The following CADPS variants were observed in gnomAD, a reference collection of about 807,000 sequenced individuals.
CADPS encodes calcium-dependent secretion activator 1.
A neutral mutation model predicts 167.3 loss-of-function variants in CADPS; 57 were observed. The ratio of observed to expected loss-of-function variants is 0.34; its 90% CI spans 0.28 to 0.42. The LOEUF is 0.42. Ranked by LOEUF, CADPS falls within the 20% of genes least tolerant of loss-of-function variation. The probability of loss-of-function intolerance (pLI) is 1.00; values close to 1 mark genes in which losing one functional copy is unlikely to be tolerated. For missense variants in CADPS, 1,414 were observed against 1,738.1 expected (o/e 0.81, Z 3.32); for synonymous variants, 676 against 635.3 (o/e 1.06, Z -0.96).
At chr3:62,779,481 A>G (rs1042683369) in intron 1 of CADPS, 5 of 539,686 alleles carry the variant, frequency 9.3e-6, no homozygotes, top group South Asian at 1.4e-5. Context: ...AAAATCTGCC[A>G]TCTTGGCTTT....
chr3:62,669,185 C>T (rs1362529438), intron 3 of CADPS, among the ~76,000 whole-genome samples: 2 of 152,182 alleles, frequency 1.3e-5, no homozygotes, highest in Admixed American at 6.5e-5. Flanking sequence ...TCCCAGTGTG[C>T]CCCCTGGGTT....
intron 17 of CADPS, chr3:62,500,620 A>G (rs1366680392): frequency 6.6e-6 from 1 of 152,184 alleles, no homozygotes; most frequent in Non-Finnish European, 1.5e-5. Flanking sequence ...TTCCCCAAGT[A>G]GGTACATACA....
chr3:62,559,486 G>T (rs780662649), intron 9 of CADPS, among the ~76,000 whole-genome samples: 1 of 151,850 alleles, frequency 6.6e-6, no homozygotes, highest in Non-Finnish European at 1.5e-5. Flanking sequence ...TGCTGGAACG[G>T]TCCCATGGGG....
At chr3:62,619,966 T>A (rs1243945272) in intron 6 of CADPS, among the ~76,000 whole-genome samples, 1 of 152,148 alleles carries the variant, frequency 6.6e-6, no homozygotes, top group Admixed American at 6.6e-5. Flanking sequence ...GATTATTTTG[T>A]TGCCTTTGTT....
At chr3:62,661,758 G>A (rs1221520436) in intron 4 of CADPS, among the ~76,000 whole-genome samples, 1 of 152,126 alleles carries the variant, frequency 6.6e-6, no homozygotes, top group East Asian at 1.9e-4. Context: ...TGCTGAAGAT[G>A]AGGGCCTGGA....
chr3:62,783,590 C>T (rs1227603744), intron 1 of CADPS, among the ~76,000 whole-genome samples: 1 of 152,018 alleles, frequency 6.6e-6, no homozygotes, highest in Non-Finnish European at 1.5e-5. Context: ...AGACCTTAAG[C>T]AATTTTCTTA....
intron 4 of CADPS, among the ~76,000 whole-genome samples, chr3:62,653,075 T>C (rs977048213): frequency 7.2e-5 from 11 of 152,202 alleles, no homozygotes; most frequent in African/African-American, 2.7e-4. Context: ...ATCTTCCATA[T>C]TTCAGCTTCA....
At chr3:62,813,543 C>T (rs1044608275) in intron 1 of CADPS, among the ~76,000 whole-genome samples, 6 of 152,028 alleles carry the variant, frequency 3.9e-5, no homozygotes, top group Non-Finnish European at 8.8e-5. Context: ...CCATTCTGAA[C>T]ATCAGCCTTG....
At chr3:62,751,739 T>G (rs141306148) in intron 3 of CADPS, among the ~76,000 whole-genome samples, 91 of 152,268 alleles carry the variant, frequency 6.0e-4, no homozygotes, top group African/African-American at 2.1e-3. Flanking sequence ...AATTCTTTTT[T>G]GGCTAAGAGT....
intron 1 of CADPS, among the ~76,000 whole-genome samples, chr3:62,844,493 T>C (rs1577203704): frequency 1.3e-5 from 2 of 152,170 alleles, no homozygotes; most frequent in Non-Finnish European, 2.9e-5. Flanking sequence ...TTTTACACTT[T>C]ACTGAGGAGC....
intron 28 of CADPS, among the ~76,000 whole-genome samples, chr3:62,416,946 G>A (rs1008926249): frequency 4.0e-5 from 6 of 151,694 alleles, no homozygotes; most frequent in African/African-American, 1.2e-4. Flanking sequence ...GTGGAGTGGC[G>A]CGATCACGGC....
chr3:62,425,428 T>G (rs1197769859), intron 28 of CADPS, among the ~76,000 whole-genome samples: 1 of 152,118 alleles, frequency 6.6e-6, no homozygotes, highest in African/African-American at 2.4e-5. Flanking sequence ...TAGTGGTTCT[T>G]GACCAGATTA....
chr3:62,620,786 A>T (rs545146562), intron 6 of CADPS, among the ~76,000 whole-genome samples: 58 of 152,250 alleles, frequency 3.8e-4, no homozygotes, highest in South Asian at 2.1e-4. Flanking sequence ...CTCCCATTAG[A>T]GCTGGCCTCC....
At chr3:62,789,137 A>C (rs1247678368) in intron 1 of CADPS, among the ~76,000 whole-genome samples, 1 of 152,228 alleles carries the variant, frequency 6.6e-6, no homozygotes, top group Non-Finnish European at 1.5e-5. Flanking sequence ...ACACATATTC[A>C]TTCTCAATCA....
At chr3:62,831,242 C>T (rs1000256509) in intron 1 of CADPS, among the ~76,000 whole-genome samples, 14 of 152,126 alleles carry the variant, frequency 9.2e-5, no homozygotes, top group African/African-American at 3.1e-4. Context: ...GAAAACTCTT[C>T]GAAGTAAACA....
intron 6 of CADPS, among the ~76,000 whole-genome samples, chr3:62,638,210 T>C (rs2066714322): frequency 6.6e-6 from 1 of 152,018 alleles, no homozygotes; most frequent in Non-Finnish European, 1.5e-5. Context: ...GCTCTCAATT[T>C]TGTACTCTTG....
At chr3:62,726,413 A>G (rs1011912047) in intron 3 of CADPS, among the ~76,000 whole-genome samples, 4 of 151,872 alleles carry the variant, frequency 2.6e-5, no homozygotes, top group African/African-American at 9.7e-5. Context: ...GTTCCAGACT[A>G]AAGAGTCATA....
intron 28 of CADPS, among the ~76,000 whole-genome samples, chr3:62,429,871 T>C (rs1285187547): frequency 6.6e-6 from 1 of 152,228 alleles, no homozygotes; most frequent in South Asian, 2.1e-4. Context: ...CTTCACCAAA[T>C]GTCTTCTGGA....
chr3:62,754,244 C>G (rs1474184722), intron 2 of CADPS, among the ~76,000 whole-genome samples: 2 of 152,190 alleles, frequency 1.3e-5, no homozygotes, highest in African/African-American at 4.8e-5. Context: ...ACAATCACAG[C>G]TCACTGTAAC....
Sources: allele counts gnomAD v4.1 joint callset (sites outside exome capture counted in the v4.1 genomes callset), GRCh38; gene constraint gnomAD v4.1.1; transcripts MANE v1.5; gene names NCBI Gene and HGNC (gene_info 2026-07-23, HGNC 2026-07-21).